The following NSD3 variants were observed in gnomAD, a reference collection of about 807,000 sequenced individuals.
NSD3 encodes the protein histone-lysine N-methyltransferase NSD3.
A neutral mutation model predicts 160.8 loss-of-function variants in NSD3; 24 were observed. That is an observed-to-expected ratio of 0.15 (90% confidence interval 0.11 to 0.21). NSD3 has a LOEUF of 0.21. Among genes scored for constraint, NSD3 ranks in the 10% least tolerant of loss-of-function variants. NSD3 has a pLI of 1.00. For missense variants in NSD3, 1,157 were observed against 1,735.9 expected (o/e 0.67, Z 5.93); for synonymous variants, 520 against 600.0 (o/e 0.87, Z 1.95).
chr8:38,379,524 TCAAA>T (rs1219706977), intron 1 of NSD3, among the ~76,000 whole-genome samples: 1 of 152,146 alleles, frequency 6.6e-6, no homozygotes, highest in East Asian at 1.9e-4. Context: ...TCACAGAATT[TCAAA>T]CAAATTCAGG....
intron 12 of NSD3, among the ~76,000 whole-genome samples, chr8:38,310,656 C>T (rs531995018): frequency 5.9e-5 from 9 of 151,784 alleles, no homozygotes; most frequent in South Asian, 2.1e-4. Flanking sequence ...TATGGGCACA[C>T]GCCACCATGC....
intron 2 of NSD3, among the ~76,000 whole-genome samples, chr8:38,340,893 T>C (rs758169131): frequency 4.0e-4 from 61 of 152,128 alleles, no homozygotes; most frequent in Non-Finnish European, 7.8e-4. Flanking sequence ...TGGCTCGGCA[T>C]GGTGTGGCTC....
In NSD3 at chr8:38,316,924, G is replaced by A; in HGVS notation, c.1856-882C>T. ...TAGGCTATACAGAAACAGCCACGAT[G>A]AAATGTGCAGATCAGGCACGGTGAA... On this transcript the variant is annotated intron_variant, in intron 9 of 23. Coordinates refer to ENST00000317025, the MANE Select transcript of NSD3 (RefSeq NM_023034.2). The surrounding 1 kb of genome is among the most constrained non-coding windows in gnomAD (Gnocchi z 4.5). The A allele has an allele frequency of 9.4e-7, 1 of 1,062,324 alleles. No individual in the cohort carries two copies. Among genetic ancestry groups the A allele is most frequent in the Non-Finnish European group, 1.1e-6 (1 of 877,188 alleles). The allele number at this position is 1,062,324 out of a possible 1,614,324, so 65.8% of individuals were successfully genotyped here.
intron 1 of NSD3, among the ~76,000 whole-genome samples, chr8:38,350,224 T>C (rs1283010106): frequency 6.6e-6 from 1 of 152,198 alleles, no homozygotes; most frequent in Admixed American, 6.5e-5. Context: ...CTGGGTCAAA[T>C]GGTATTTCTA....
intron 19 of NSD3, among the ~76,000 whole-genome samples, chr8:38,285,970 C>T (rs1376137244): frequency 6.6e-6 from 1 of 152,180 alleles, no homozygotes; most frequent in East Asian, 1.9e-4. Flanking sequence ...ACCACAGCCA[C>T]AGTTATCCTT....
chr8:38,285,410 C>T (rs1399697201), intron 19 of NSD3, among the ~76,000 whole-genome samples: 2 of 152,128 alleles, frequency 1.3e-5, no homozygotes, highest in African/African-American at 2.4e-5. Flanking sequence ...GTAAATACCC[C>T]GAATATCTTT....
chr8:38,348,796 G>A (rs1199011768), intron 1 of NSD3, among the ~76,000 whole-genome samples: 3 of 151,932 alleles, frequency 2.0e-5, no homozygotes, highest in African/African-American at 7.3e-5. Context: ...CCAGTAGCTG[G>A]GACTCAGGCA....
intron 19 of NSD3, among the ~76,000 whole-genome samples, chr8:38,285,157 C>G (rs1014495613): frequency 2.0e-5 from 3 of 151,640 alleles, no homozygotes; most frequent in South Asian, 2.1e-4. Flanking sequence ...AAGGCTGTCA[C>G]TCAATATTTA....
intron 1 of NSD3, among the ~76,000 whole-genome samples, chr8:38,355,880 A>G (rs544608018): frequency 1.8e-4 from 28 of 152,348 alleles, no homozygotes; most frequent in African/African-American, 6.7e-4. Context: ...CATTTTACAA[A>G]TGAAAAATCA....
chr8:38,333,333 G>GA (rs1810113815), intron 4 of NSD3, among the ~76,000 whole-genome samples: 1 of 152,094 alleles, frequency 6.6e-6, no homozygotes, highest in Non-Finnish European at 1.5e-5. Context: ...TTTGTTTCCT[G>GA]ACACCTGGAA....
At chr8:38,285,653 A>G (rs1808839427) in intron 19 of NSD3, among the ~76,000 whole-genome samples, 1 of 152,264 alleles carries the variant, frequency 6.6e-6, no homozygotes, top group South Asian at 2.1e-4. Context: ...GGATGGCCCC[A>G]TAAACTCCAG....
rs1809655377 is a variant in NSD3 at position 38,316,078 on chromosome 8, T to C, written c.1856-36A>G. Reference sequence around the variant, plus strand: ...CACACTGAAATTAATCCTAAAATAGTACTTAAGGTTTGTTTTAATTTTTTT... The same window carrying C: ...CACACTGAAATTAATCCTAAAATAGCACTTAAGGTTTGTTTTAATTTTTTT... On this transcript the variant is annotated intron_variant, in intron 9 of 23. Coordinates refer to ENST00000317025, the MANE Select transcript of NSD3 (RefSeq NM_023034.2). This position sits in a 1 kb window ranked among gnomAD's most constrained non-coding sequence, Gnocchi z 4.5. The C allele has an allele frequency of 6.2e-7, 1 of 1,600,144 alleles. No homozygotes were observed. The highest frequency in any genetic ancestry group is 8.5e-7 in the Non-Finnish European group (1 of 1,174,692).
Position 38,321,247 on chromosome 8 carries a change from CA to C in NSD3, c.1709-76del. The C allele has an allele frequency of 8.1e-7, 1 of 1,230,366 alleles. No individual in the cohort carries two copies. The highest frequency in any genetic ancestry group is 1.1e-6 in the Non-Finnish European group (1 of 882,538). 76.2% of individuals were successfully genotyped at this position (1,230,366 alleles called of 1,614,324 possible). A position where few individuals can be genotyped will look rare whatever the true frequency, so the allele number is the denominator to read the frequency against. On this transcript the variant is annotated intron_variant, in intron 7 of 23. Transcript: ENST00000317025. The surrounding 1 kb of genome is among the most constrained non-coding windows in gnomAD (Gnocchi z 4.7). ...GACATCTATGTAATTAAGATATGAC[CA>C]CATTCCTTGCTTTTCTTACCCATTA...
chr8:38,314,052 T>G lies in NSD3; in HGVS notation c.2242+595A>C, dbSNP rs146240802. On this transcript the variant is annotated intron_variant, in intron 12 of 23. Transcript: ENST00000317025. The stretch of plus-strand genomic sequence containing the variant: ...GAAGCACCACCATGTCATCTCCAGT[T>G]ATTTTTAATTTGCCATGTTGTGACA... Among the ~76,000 whole-genome samples the G allele has an allele frequency of 5.0e-4, 76 of 152,322 alleles. No homozygotes were observed. The East Asian group carries it at 0.013, about 26-fold the overall frequency.
At position 38,275,339 on chromosome 8, in the gene NSD3, CTT is replaced by C; in HGVS notation, c.*300_*301del. 3.1e-6 allele frequency: 1 copy of C among 323,332 alleles called. No homozygotes were observed. The highest frequency in any genetic ancestry group is 5.7e-6 in the Non-Finnish European group (1 of 175,304). The allele number at this position is 323,332 out of a possible 1,614,324, so 20.0% of individuals were successfully genotyped here. Reference sequence around the variant, plus strand: ...TCTCATTAACAAAACTTACTTTTCTCTTTGTTCTTATTTTAACAGCAAAAACA... The same window carrying C: ...TCTCATTAACAAAACTTACTTTTCTCTGTTCTTATTTTAACAGCAAAAACA... On this transcript the variant is annotated 3_prime_UTR_variant, in exon 24 of 24. Coordinates refer to ENST00000317025, the MANE Select transcript of NSD3 (RefSeq NM_023034.2).
intron 1 of NSD3, among the ~76,000 whole-genome samples, chr8:38,348,569 A>G (rs946305927): frequency 5.9e-5 from 9 of 152,254 alleles, no homozygotes; most frequent in Admixed American, 5.9e-4. Context: ...GTGTCCTGAC[A>G]CATATCAATC....
chr8:38,299,453 A>G lies in NSD3; in HGVS notation c.2749T>C (p.Cys917Arg). The change falls in exon 15 of 24, where the codon TGT becomes CGT. Residue 917 changes from cysteine to arginine, a missense_variant. Cys to Arg is a radical substitution (Grantham distance 180, BLOSUM62 -3). This residue lies in a region of NSD3 where 437 missense variants were observed against 576.6 expected (regional missense o/e 0.76). Coordinates refer to ENST00000317025, the MANE Select transcript of NSD3 (RefSeq NM_023034.2). ...CTATTTTGATTATTACCTTTCTCACATTTCTTTTTGGAAGCTGACGAAGAA... is the reference window on the plus strand; with the variant it reads ...CTATTTTGATTATTACCTTTCTCACGTTTCTTTTTGGAAGCTGACGAAGAA... Reference protein sequence around the residue: ...IPSSSASKKKCEKGGRLLCCE... With the variant: ...IPSSSASKKKREKGGRLLCCE... The G allele has an allele frequency of 6.2e-7, 1 of 1,609,898 alleles. No homozygotes were observed. Among genetic ancestry groups the G allele is most frequent in the South Asian group, 1.1e-5 (1 of 89,690 alleles).
intron 15 of NSD3, among the ~76,000 whole-genome samples, chr8:38,296,263 T>C (rs1365240134): frequency 6.6e-6 from 1 of 152,176 alleles, no homozygotes; most frequent in South Asian, 2.1e-4. Flanking sequence ...TATGACCAAA[T>C]TGAAGCATAA....
chr8:38,305,748 T>C (rs1809378078), intron 12 of NSD3, among the ~76,000 whole-genome samples: 2 of 152,124 alleles, frequency 1.3e-5, no homozygotes, highest in African/African-American at 2.4e-5. Flanking sequence ...AGCAAAGTTT[T>C]CCCCACATAG....
Sources: allele counts gnomAD v4.1 joint callset (sites outside exome capture counted in the v4.1 genomes callset), GRCh38; gene constraint gnomAD v4.1.1; regional missense constraint gnomAD v4.1.1; non-coding constraint Gnocchi (gnomAD v3.1); transcripts MANE v1.5; gene names NCBI Gene and HGNC (gene_info 2026-07-23, HGNC 2026-07-21).